WDHD1: variants seen among roughly 807,000 people sequenced by gnomAD.
WDHD1 encodes WD repeat and HMG-box DNA binding protein 1.
A neutral mutation model predicts 135.4 loss-of-function variants in WDHD1; 111 were observed. The observed-to-expected ratio is 0.82, with a 90% CI of 0.70 to 0.96. WDHD1 has a LOEUF of 0.96. WDHD1 is among the 40% of genes least tolerant of loss of function. The probability of loss-of-function intolerance (pLI) is 0.00; values close to 1 mark genes in which losing one functional copy is unlikely to be tolerated. For synonymous variants in WDHD1, 434 were observed against 439.0 expected (o/e 0.99, Z 0.14); for missense variants, 1,351 against 1,336.3 (o/e 1.01, Z -0.17).
chr14:54,998,486 ATTAG>A (rs1312416660), intron 10 of WDHD1, among the ~76,000 whole-genome samples: 8 of 152,094 alleles, frequency 5.3e-5, no homozygotes, highest in Non-Finnish European at 1.0e-4. Flanking sequence ...ATGCATATAT[ATTAG>A]TTAGGCAGTT....
Position 55,010,318 on chromosome 14 carries a change from G to A in WDHD1, c.332C>T (p.Ala111Val). The A allele has an allele frequency of 6.3e-7, 1 of 1,598,714 alleles. No individual in the cohort carries two copies. Among genetic ancestry groups the A allele is most frequent in the Non-Finnish European group, 8.5e-7 (1 of 1,174,544 alleles). The stretch of plus-strand genomic sequence containing the variant: ...TGTCAAAGAGCCTTACCTAGATCCA[G>A]CAGCAATTTTAGTACCATCCCCATT... ...VFNGDGTKIA[A>V]GSSDFLVKIV... The change falls in exon 4 of 26, where the codon GCT becomes GTT. Residue 111 changes from alanine to valine, a missense_variant. Around this residue, in one of 2 missense-constraint regions of WDHD1, gnomAD observed 1,330 missense variants for 1,296.1 expected, o/e 1.03. Transcript: ENST00000360586.
At chr14:54,962,168 G>A (rs904040799) in intron 21 of WDHD1, among the ~76,000 whole-genome samples, 3 of 152,054 alleles carry the variant, frequency 2.0e-5, no homozygotes, top group African/African-American at 7.2e-5. Flanking sequence ...CCAGTATCCT[G>A]CATGCTTCCT....
chr14:54,940,159 A>G lies in WDHD1; in HGVS notation c.*1331T>C, dbSNP rs993705375. 1 of 152,312 alleles carries G rather than the reference A, an allele frequency of 6.6e-6. No individual in the cohort carries two copies. The highest frequency in any genetic ancestry group is 1.9e-4 in the East Asian group (1 of 5,186). 9.4% of individuals were successfully genotyped at this position (152,312 alleles called of 1,614,324 possible). A position where few individuals can be genotyped will look rare whatever the true frequency, so the allele number is the denominator to read the frequency against. Reference sequence around the variant, plus strand: ...TTTCATTCAATTCTCATAACAACCTATAAAGTAGGTACTATCATTATATCC... The same window carrying G: ...TTTCATTCAATTCTCATAACAACCTGTAAAGTAGGTACTATCATTATATCC... On this transcript the variant is annotated 3_prime_UTR_variant, in exon 26 of 26. Coordinates refer to ENST00000360586, the MANE Select transcript of WDHD1 (RefSeq NM_007086.4).
In WDHD1 at chr14:54,955,645, G is replaced by C. The variant is rs779893526; in HGVS notation, c.2966C>G (p.Thr989Ser). ...AAGATTTTCTTCTTTCACTTCCTCA[G>C]TTTTATTAGTTTGAGAATTTCTTTT... ...FQKRNSQTNK[T>S]EEVKEENLKN... is the part of the protein sequence containing the mutation. Residue 989 changes from threonine (T) to serine (S), a missense_variant, in exon 24 of 26, where the codon ACT becomes AGT. By Grantham distance (58) the Thr-to-Ser change is moderately conservative (BLOSUM62 1). Around this residue, in one of 2 missense-constraint regions of WDHD1, gnomAD observed 1,330 missense variants for 1,296.1 expected, o/e 1.03. Transcript: ENST00000360586. 1 of 1,588,610 alleles carries C rather than the reference G, an allele frequency of 6.3e-7. No individual in the cohort carries two copies. Among genetic ancestry groups the C allele is most frequent in the Non-Finnish European group, 8.5e-7 (1 of 1,170,492 alleles).
At chr14:55,004,262 T>C (rs2042026560) in intron 7 of WDHD1, among the ~76,000 whole-genome samples, 1 of 152,184 alleles carries the variant, frequency 6.6e-6, no homozygotes, top group South Asian at 2.1e-4. Context: ...TACCTTTATA[T>C]ACACTAACTT....
At chr14:55,010,906 T>A (rs1215897828) in intron 3 of WDHD1, among the ~76,000 whole-genome samples, 1 of 152,238 alleles carries the variant, frequency 6.6e-6, no homozygotes, top group Non-Finnish European at 1.5e-5. Context: ...AAAGTCTAAA[T>A]GCAGCATCCA....
chr14:55,014,455 G>A (rs2042227055), intron 2 of WDHD1, among the ~76,000 whole-genome samples: 1 of 152,124 alleles, frequency 6.6e-6, no homozygotes. Context: ...CAATAAAATA[G>A]GGACCGTATC....
chr14:54,958,585 C>G (rs994262575), intron 21 of WDHD1, among the ~76,000 whole-genome samples: 1 of 152,200 alleles, frequency 6.6e-6, no homozygotes, highest in African/African-American at 2.4e-5. Context: ...CTGGTGGATA[C>G]CTTTCAGTCA....
Position 55,016,025 on chromosome 14 carries a change from G to A in WDHD1, c.78-2429C>T, listed in dbSNP as rs564423467. Reference sequence around the variant, plus strand: ...CGATGGGCTTCTTGGTGTATCAGCAGATGCACTGGAGGAGACGTACAAAGT... The same window carrying A: ...CGATGGGCTTCTTGGTGTATCAGCAAATGCACTGGAGGAGACGTACAAAGT... On this transcript the variant is annotated intron_variant, in intron 2 of 25. Coordinates refer to ENST00000360586, the MANE Select transcript of WDHD1 (RefSeq NM_007086.4). Among the ~76,000 whole-genome samples, 23 of 152,346 alleles carry A rather than the reference G, an allele frequency of 1.5e-4. No homozygotes were observed. The South Asian group carries it at 4.8e-3, about 32-fold the overall frequency.
At chr14:54,943,994 C>G (rs74776964) in intron 25 of WDHD1, among the ~76,000 whole-genome samples, 2,928 of 152,184 alleles carry the variant, frequency 0.019, 63 homozygotes, top group African/African-American at 0.058. Context: ...ATAATAATTA[C>G]TACATATCCA....
chr14:54,974,173 G>A (rs967223807), intron 16 of WDHD1, among the ~76,000 whole-genome samples: 1 of 151,784 alleles, frequency 6.6e-6, no homozygotes. Context: ...TGTAATCCCA[G>A]TACATAAGGA....
chr14:54,994,098 A>G (rs533748019), intron 11 of WDHD1, among the ~76,000 whole-genome samples: 4 of 152,162 alleles, frequency 2.6e-5, no homozygotes, highest in African/African-American at 9.6e-5. Flanking sequence ...TTCAATTACA[A>G]TCTCAATTTC....
intron 4 of WDHD1, 35 bp from the exon 5 acceptor site, chr14:55,008,754 G>A (rs1215058567): frequency 2.1e-6 from 3 of 1,452,348 alleles, no homozygotes; most frequent in Admixed American, 3.8e-5. Context: ...ATGAATAAAT[G>A]CTAACACAAA....
chr14:54,970,632 AAAAAG>A (rs1566718518), intron 16 of WDHD1, among the ~76,000 whole-genome samples: 3 of 151,400 alleles, frequency 2.0e-5, no homozygotes, highest in Non-Finnish European at 2.9e-5. Flanking sequence ...AAAAAAAAAA[AAAAAG>A]AAAGAAAGAA....
At chr14:54,961,172 A>G (rs1301203539) in intron 21 of WDHD1, among the ~76,000 whole-genome samples, 1 of 151,968 alleles carries the variant, frequency 6.6e-6, no homozygotes, top group African/African-American at 2.4e-5. Context: ...AACCTACAAC[A>G]GTCTCTCAGT....
At chr14:54,967,734 C>T (rs1477698832) in intron 16 of WDHD1, among the ~76,000 whole-genome samples, 2 of 152,154 alleles carry the variant, frequency 1.3e-5, no homozygotes, top group Admixed American at 1.3e-4. Flanking sequence ...AATCCTCCCA[C>T]CTCAGCCTCC....
chr14:54,941,573 T>C lies in WDHD1; in HGVS notation c.3307A>G (p.Asn1103Asp). 1 of 1,614,020 alleles carries C rather than the reference T, an allele frequency of 6.2e-7. No individual in the cohort carries two copies. Among genetic ancestry groups the C allele is most frequent in the African/African-American group, 1.3e-5 (1 of 75,064 alleles). ...TTCTGCTTTTTAGACAAATTCAGGT[T>C]CTCTTTTGCTTTTTCTTCCTGGTTT... ...TENQEEKAKE[N>D]LNLSKKQKPL... Residue 1103 changes from asparagine (N) to aspartate (D), a missense_variant, in exon 26 of 26, where the codon AAC becomes GAC. Asn to Asp is a conservative substitution (Grantham distance 23, BLOSUM62 1). Transcript: ENST00000360586.
At chr14:54,973,725 CTG>C (rs1170072305) in intron 16 of WDHD1, among the ~76,000 whole-genome samples, 11 of 152,296 alleles carry the variant, frequency 7.2e-5, no homozygotes, top group Non-Finnish European at 1.6e-4. Flanking sequence ...AGAAGAAACA[CTG>C]TGAGAAATGT....
chr14:54,955,153 T>C (rs186632368), intron 24 of WDHD1, among the ~76,000 whole-genome samples: 2 of 152,312 alleles, frequency 1.3e-5, no homozygotes, highest in Admixed American at 6.5e-5. Flanking sequence ...TGCACATAAA[T>C]AGAATAATTT....
Sources: gnomAD v4.1 joint callset for allele counts (sites outside exome capture counted in the v4.1 genomes callset) on GRCh38, gnomAD v4.1.1 for gene constraint, gnomAD v4.1.1 regional missense constraint, MANE v1.5 for transcripts, NCBI Gene and HGNC (gene_info 2026-07-23, HGNC 2026-07-21) for gene names.